Variants in PTPRM observed in about 807,000 individuals in gnomAD.
The protein encoded by PTPRM is protein tyrosine phosphatase receptor type M, also known as receptor-type tyrosine-protein phosphatase mu.
PTPRM carries 47 observed loss-of-function variants against 186.7 expected under a neutral mutation model. That is an observed-to-expected ratio of 0.25 (90% CI 0.20 to 0.32). The LOEUF (loss-of-function observed/expected upper bound fraction) is 0.32, where lower values mean the gene tolerates loss of function less well. Among genes scored for constraint, PTPRM ranks in the 10% least tolerant of loss-of-function variants. The pLI, the probability that PTPRM is intolerant of heterozygous loss-of-function variation, is 1.00. For synonymous variants in PTPRM, 668 were observed against 674.9 expected, an observed-to-expected ratio of 0.99 and a Z score of 0.16; for missense variants, 1,494 against 1,865.0, an observed-to-expected ratio of 0.80 and a Z score of 3.66.
intron 1 of PTPRM, among the ~76,000 whole-genome samples, chr18:7,616,193 G>A (rs558202796): frequency 6.6e-6 from 1 of 152,286 alleles, no homozygotes; most frequent in East Asian, 1.9e-4. Flanking sequence ...GTCTCACTCT[G>A]TTGCCAAGGC....
intron 14 of PTPRM, among the ~76,000 whole-genome samples, chr18:8,239,178 A>G (rs2094388011): frequency 8.8e-6 from 1 of 113,748 alleles, no homozygotes; most frequent in Non-Finnish European, 1.7e-5. Context: ...CCAGAGTGTG[A>G]TGTTCCCCTT....
intron 1 of PTPRM, among the ~76,000 whole-genome samples, chr18:7,647,566 A>G (rs2038594843): frequency 6.6e-6 from 1 of 152,226 alleles, no homozygotes; most frequent in Admixed American, 6.5e-5. Context: ...TTGTAGCATA[A>G]TAAAGAAATA....
chr18:7,962,434 T>TAGTA (rs2053744203), intron 7 of PTPRM, among the ~76,000 whole-genome samples: 1 of 152,204 alleles, frequency 6.6e-6, no homozygotes, highest in African/African-American at 2.4e-5. Context: ...TCTCTCAGTG[T>TAGTA]GCCTTATGTA....
At chr18:8,112,994 A>T (rs1410452683) in intron 11 of PTPRM, among the ~76,000 whole-genome samples, 2 of 152,214 alleles carry the variant, frequency 1.3e-5, no homozygotes, top group African/African-American at 4.8e-5. Context: ...AGGAAGATAA[A>T]CCTTAGTTAA....
chr18:8,162,684 C>A (rs1168785144), intron 14 of PTPRM, among the ~76,000 whole-genome samples: 1 of 152,142 alleles, frequency 6.6e-6, no homozygotes, highest in Admixed American at 6.5e-5. Context: ...CTTTATGTAC[C>A]CTTTTATGCC....
chr18:7,820,918 C>T (rs1015091540), intron 2 of PTPRM, among the ~76,000 whole-genome samples: 1 of 152,206 alleles, frequency 6.6e-6, no homozygotes, highest in Non-Finnish European at 1.5e-5. Context: ...AAGGTCTACA[C>T]ATGAGCTCTT....
chr18:7,876,253 A>G (rs909968583), intron 2 of PTPRM, among the ~76,000 whole-genome samples: 2 of 152,212 alleles, frequency 1.3e-5, no homozygotes, highest in African/African-American at 2.4e-5. Context: ...TTTTTAAATC[A>G]CATGTCCAAT....
intron 1 of PTPRM, among the ~76,000 whole-genome samples, chr18:7,703,380 TC>T (rs1180715848): frequency 6.6e-6 from 1 of 152,206 alleles, no homozygotes; most frequent in Non-Finnish European, 1.5e-5. Context: ...CCTGAAGAGG[TC>T]CTTCACATCC....
At chr18:8,221,423 T>A (rs1372235929) in intron 14 of PTPRM, among the ~76,000 whole-genome samples, 1 of 152,202 alleles carries the variant, frequency 6.6e-6, no homozygotes, top group East Asian at 1.9e-4. Flanking sequence ...AAGAAAAATG[T>A]TAGACAAATT....
chr18:8,007,343 G>T (rs1224004956), intron 7 of PTPRM, among the ~76,000 whole-genome samples: 2 of 151,978 alleles, frequency 1.3e-5, no homozygotes, highest in Non-Finnish European at 2.9e-5. Context: ...TTGCAGGCAG[G>T]TAAGAGAATC....
chr18:8,110,769 C>A (rs1256714680), intron 11 of PTPRM, among the ~76,000 whole-genome samples: 2 of 152,128 alleles, frequency 1.3e-5, no homozygotes, highest in African/African-American at 4.8e-5. Flanking sequence ...AGGAATGATT[C>A]AGATACAGAA....
chr18:7,872,869 A>G (rs765149056), intron 2 of PTPRM, among the ~76,000 whole-genome samples: 1 of 152,234 alleles, frequency 6.6e-6, no homozygotes, highest in Non-Finnish European at 1.5e-5. Context: ...TTGATCTTAA[A>G]TAACATTTTT....
chr18:7,882,906 A>G (rs561260547), intron 2 of PTPRM, among the ~76,000 whole-genome samples: 2 of 152,356 alleles, frequency 1.3e-5, no homozygotes, highest in South Asian at 2.1e-4. Context: ...AGTTTAATCA[A>G]AAGCCTTTGC....
chr18:7,818,998 G>T (rs923122996), intron 2 of PTPRM, among the ~76,000 whole-genome samples: 1 of 152,228 alleles, frequency 6.6e-6, no homozygotes, highest in African/African-American at 2.4e-5. Context: ...CTTCCTGGGA[G>T]AGGTAAGGCC....
rs2094536878 is a variant in PTPRM at position 8,252,478 on chromosome 18, T to C, written c.2555-10T>C. 6.5e-7 allele frequency: 1 copy of C among 1,541,526 alleles called. No individual in the cohort carries two copies. The highest frequency in any genetic ancestry group is 1.7e-5 in the Admixed American group (1 of 59,906). On this transcript the variant is annotated splice_polypyrimidine_tract_variant and intron_variant, in intron 17 of 32. Transcript: ENST00000580170. Reference sequence around the variant, plus strand: ...CTCCTTTTTTCTCCTGATATGTATCTTCTTAAAAGTGCCAATAAATGGTAA... The same window carrying C: ...CTCCTTTTTTCTCCTGATATGTATCCTCTTAAAAGTGCCAATAAATGGTAA...
chr18:7,961,524 G>C (rs1287142034), intron 7 of PTPRM, among the ~76,000 whole-genome samples: 1 of 152,208 alleles, frequency 6.6e-6, no homozygotes, highest in Non-Finnish European at 1.5e-5. Context: ...ACTACTTAGA[G>C]ACTATAAGCA....
chr18:8,078,204 G>A (rs887777597), intron 9 of PTPRM, among the ~76,000 whole-genome samples: 4 of 152,138 alleles, frequency 2.6e-5, no homozygotes, highest in Non-Finnish European at 5.9e-5. Context: ...CAGCTCCCTC[G>A]AGGTAGGTCT....
intron 7 of PTPRM, among the ~76,000 whole-genome samples, chr18:8,047,092 A>G (rs961203927): frequency 2.6e-5 from 4 of 152,256 alleles, no homozygotes; most frequent in Non-Finnish European, 5.9e-5. Context: ...GTTATTTATC[A>G]TATCTATAAC....
intron 14 of PTPRM, among the ~76,000 whole-genome samples, chr18:8,222,910 A>G (rs1345521769): frequency 7.5e-6 from 1 of 133,310 alleles, no homozygotes; most frequent in East Asian, 4.0e-4. Flanking sequence ...CAATATAGTG[A>G]GACCCCCCAT....
Sources: allele counts gnomAD v4.1 joint callset (sites outside exome capture counted in the v4.1 genomes callset), GRCh38; gene constraint gnomAD v4.1.1; transcripts MANE v1.5; gene names NCBI Gene and HGNC (gene_info 2026-07-23, HGNC 2026-07-21).